RNF144B: variants seen among roughly 807,000 people sequenced by gnomAD.
RNF144B encodes E3 ubiquitin-protein ligase RNF144B.
Under a neutral mutation model 40.2 loss-of-function variants are expected in RNF144B, and 25 were observed. That is an observed-to-expected ratio of 0.62 (90% CI 0.45 to 0.87). The LOEUF is 0.87. Among genes scored for constraint, RNF144B ranks in the 40% least tolerant of loss-of-function variants. The probability of loss-of-function intolerance (pLI) is 0.00; values close to 1 mark genes in which losing one functional copy is unlikely to be tolerated. For synonymous variants in RNF144B, 145 were observed against 136.3 expected, an observed-to-expected ratio of 1.06 and a Z score of -0.44; for missense variants, 365 against 373.7, an observed-to-expected ratio of 0.98 and a Z score of 0.19.
In RNF144B at chr6:18,459,394, T is replaced by A. The variant is rs1160761578; in HGVS notation, c.537-213T>A. On this transcript the variant is annotated intron_variant, in intron 5 of 7. Transcript: ENST00000259939. The surrounding 1 kb of genome is among the most constrained non-coding windows in gnomAD (Gnocchi z 4.2). The stretch of plus-strand genomic sequence containing the variant: ...AGTGAGTTAAATCAGTGGTGGAAAC[T>A]GTAATTATATAATTCACTGAAAGCC... 7.8e-6 allele frequency among the ~76,000 whole-genome samples: 1 copy of A among 127,892 alleles called. No individual in the cohort carries two copies. Among genetic ancestry groups the A allele is most frequent in the Non-Finnish European group, 1.8e-5 (1 of 54,764 alleles). The allele number at this position is 127,892 out of a possible 152,430, so 83.9% of individuals were successfully genotyped here.
chr6:18,399,454 C>G (rs772616360), intron 1 of RNF144B, 45 bp from the exon 2 acceptor site: 67 of 1,369,500 alleles, frequency 4.9e-5, no homozygotes, highest in Non-Finnish European at 5.8e-5. Flanking sequence ...TAAACAATAG[C>G]TTTATCAATC....
rs1535817 is a variant in RNF144B, at chr6:18,425,079, A to C, written c.166-2502A>C. On this transcript the variant is annotated intron_variant, in intron 2 of 7. Coordinates refer to ENST00000259939, the MANE Select transcript of RNF144B (RefSeq NM_182757.4). The surrounding 1 kb of genome is among the most constrained non-coding windows in gnomAD (Gnocchi z 4.2). ...TGGGTGTGTGTGTGTGTGTGTTAAA[A>C]CCTGTGAGGTAACTATAACAGGTAT... Among the ~76,000 whole-genome samples, 146,509 of 152,240 alleles carry C rather than the reference A, an allele frequency of 0.96. 70,754 individuals are homozygous for C. Among genetic ancestry groups the C allele is most frequent in the East Asian group, 1 (5,184 of 5,184 alleles).
intron 2 of RNF144B, among the ~76,000 whole-genome samples, chr6:18,424,085 C>T (rs1758494047): frequency 6.6e-6 from 1 of 152,122 alleles, no homozygotes; most frequent in Non-Finnish European, 1.5e-5. Flanking sequence ...TTGTTTCTCT[C>T]TTTATAAGCT....
rs1288002173 is a variant in RNF144B at position 18,425,623 on chromosome 6, G to A, written c.166-1958G>A. 1.3e-5 allele frequency among the ~76,000 whole-genome samples: 2 copies of A among 152,144 alleles called. No homozygotes were observed. Among genetic ancestry groups the A allele is most frequent in the South Asian group, 4.1e-4 (2 of 4,826 alleles). On this transcript the variant is annotated intron_variant, in intron 2 of 7. Coordinates refer to ENST00000259939, the MANE Select transcript of RNF144B (RefSeq NM_182757.4). This position sits in a 1 kb window ranked among gnomAD's most constrained non-coding sequence, Gnocchi z 4.2. ...ATTTTTCACCCTTCTGTTGAACAAG[G>A]AAGTCAGGGTTAAAACACAGTAATT...
chr6:18,387,792 T>C (rs530942565), intron 1 of RNF144B, among the ~76,000 whole-genome samples, 162 bp downstream of exon 1: 2 of 152,332 alleles, frequency 1.3e-5, no homozygotes, highest in South Asian at 2.1e-4. Context: ...CTGAATGCCT[T>C]AAACACCTGT....
chr6:18,406,141 A>G lies in RNF144B; in HGVS notation c.165+6442A>G. 1 of 518,996 alleles carries G rather than the reference A, an allele frequency of 1.9e-6. No homozygotes were observed. Among genetic ancestry groups the G allele is most frequent in the African/African-American group, 1.9e-5 (1 of 52,084 alleles). The allele number at this position is 518,996 out of a possible 1,614,324, so 32.1% of individuals were successfully genotyped here. ...GATCAGATTAAGCCCTGGTTTTCAA[A>G]TAACTCAACTTTTCGTATGAGACAT... On this transcript the variant is annotated intron_variant, in intron 2 of 7. Coordinates refer to ENST00000259939, the MANE Select transcript of RNF144B (RefSeq NM_182757.4). The surrounding 1 kb of genome is among the most constrained non-coding windows in gnomAD (Gnocchi z 4.2).
At chr6:18,409,582 CT>C (rs1044495097) in intron 2 of RNF144B, among the ~76,000 whole-genome samples, 1 of 45,948 alleles carries the variant, frequency 2.2e-5, no homozygotes, top group African/African-American at 7.9e-5. Context: ...TTTTTTTTTA[CT>C]TTTTGAGATG....
Position 18,446,573 on chromosome 6 carries a change from G to T in RNF144B, c.331+6829G>T, listed in dbSNP as rs947038267. On this transcript the variant is annotated intron_variant, in intron 4 of 7. Transcript: ENST00000259939. The surrounding 1 kb of genome is among the most constrained non-coding windows in gnomAD (Gnocchi z 4.7). Reference sequence around the variant, plus strand: ...ATGCTACCATTATCTTTTTTACTATGGGAAATTGATGTACTGATGCTATGT... The same window carrying T: ...ATGCTACCATTATCTTTTTTACTATTGGAAATTGATGTACTGATGCTATGT... 6.6e-6 allele frequency among the ~76,000 whole-genome samples: 1 copy of T among 152,070 alleles called. No individual in the cohort carries two copies. The highest frequency in any genetic ancestry group is 2.1e-4 in the South Asian group (1 of 4,826).
chr6:18,417,406 CATAA>C (rs1364081764), intron 2 of RNF144B, among the ~76,000 whole-genome samples: 4 of 152,120 alleles, frequency 2.6e-5, no homozygotes, highest in South Asian at 2.1e-4. Flanking sequence ...ATTGAGAGTC[CATAA>C]ATAAATAAAT....
Position 18,422,500 on chromosome 6 carries a change from C to G in RNF144B, c.166-5081C>G, listed in dbSNP as rs969120702. On this transcript the variant is annotated intron_variant, in intron 2 of 7. Transcript: ENST00000259939. The surrounding 1 kb of genome is among the most constrained non-coding windows in gnomAD (Gnocchi z 4.7). ...CTGGGCTTTGGCCTTTGGGCACATT[C>G]CCCCTCATCACCTTCCTTCCCACTT... Among the ~76,000 whole-genome samples, 1 of 152,136 alleles carries G rather than the reference C, an allele frequency of 6.6e-6. No individual in the cohort carries two copies. The highest frequency in any genetic ancestry group is 2.4e-5 in the African/African-American group (1 of 41,428).
Position 18,441,283 on chromosome 6 carries a change from G to C in RNF144B, c.331+1539G>C, listed in dbSNP as rs1404401373. Among the ~76,000 whole-genome samples the C allele has an allele frequency of 1.3e-5, 2 of 152,154 alleles. No individual in the cohort carries two copies. The highest frequency in any genetic ancestry group is 2.9e-5 in the Non-Finnish European group (2 of 68,038). ...CCCAGTATTCACCCTGTGGATGCCT[G>C]GCTGGTAGCAAGTACCATGATTTGA... is the stretch of plus-strand genomic sequence containing the variant. On this transcript the variant is annotated intron_variant, in intron 4 of 7. Coordinates refer to ENST00000259939, the MANE Select transcript of RNF144B (RefSeq NM_182757.4). The surrounding 1 kb of genome is among the most constrained non-coding windows in gnomAD (Gnocchi z 4.9).
In RNF144B at chr6:18,446,688, A is replaced by T. The variant is rs899287189; in HGVS notation, c.331+6944A>T. 6.6e-6 allele frequency among the ~76,000 whole-genome samples: 1 copy of T among 152,156 alleles called. No homozygotes were observed. Among genetic ancestry groups the T allele is most frequent in the African/African-American group, 2.4e-5 (1 of 41,428 alleles). On this transcript the variant is annotated intron_variant, in intron 4 of 7. Transcript: ENST00000259939. The surrounding 1 kb of genome is among the most constrained non-coding windows in gnomAD (Gnocchi z 4.7). ...GTCAGTGATTGTCAGAGAAGGGTGAATGGATCTTCCAGGGATATTTGGTGA... is the reference window on the plus strand; with the variant it reads ...GTCAGTGATTGTCAGAGAAGGGTGATTGGATCTTCCAGGGATATTTGGTGA...
chr6:18,457,306 T>C lies in RNF144B; in HGVS notation c.483T>C (p.His161=). 6.2e-7 allele frequency: 1 copy of C among 1,614,236 alleles called. No individual in the cohort carries two copies. Among genetic ancestry groups the C allele is most frequent in the South Asian group, 1.1e-5 (1 of 91,086 alleles). ...KFCSCCKDAW[H]AEVSCRDSQP... ...GCTCGTGTTGCAAGGATGCTTGGCATGCAGAGGTCTCCTGTAGAGACAGTC... is the reference window on the plus strand; with the variant it reads ...GCTCGTGTTGCAAGGATGCTTGGCACGCAGAGGTCTCCTGTAGAGACAGTC... The change falls in exon 5 of 8, where the codon CAT becomes CAC. Residue 161 remains histidine (H), a synonymous_variant. Transcript: ENST00000259939. This position sits in a 1 kb window ranked among gnomAD's most constrained non-coding sequence, Gnocchi z 5.1.
intron 2 of RNF144B, among the ~76,000 whole-genome samples, chr6:18,411,815 T>C (rs1253551737): frequency 1.3e-5 from 2 of 152,122 alleles, no homozygotes; most frequent in Non-Finnish European, 2.9e-5. Flanking sequence ...TCTTCTAGAC[T>C]CTTTCCCTGT....
rs1759411452 is a variant in RNF144B at position 18,459,717 on chromosome 6, A to G, written c.647A>G (p.His216Arg). 6.2e-7 allele frequency: 1 copy of G among 1,614,136 alleles called. No individual in the cohort carries two copies. Among genetic ancestry groups the G allele is most frequent in the Non-Finnish European group, 8.5e-7 (1 of 1,179,972 alleles). ...CAQMMCKNCK[H>R]TFCWYCLQNL... ...CAGATGATGTGCAAAAACTGCAAGCATACATTTTGCTGGTACTGCCTCCAG... is the reference window on the plus strand; with the variant it reads ...CAGATGATGTGCAAAAACTGCAAGCGTACATTTTGCTGGTACTGCCTCCAG... Residue 216 changes from histidine (H) to arginine (R), a missense_variant, in exon 6 of 8, where the codon CAT (histidine) becomes CGT (arginine). His to Arg is a conservative substitution (Grantham distance 29, BLOSUM62 0). Coordinates refer to ENST00000259939, the MANE Select transcript of RNF144B (RefSeq NM_182757.4). The surrounding 1 kb of genome is among the most constrained non-coding windows in gnomAD (Gnocchi z 4.2).
rs147541357 is a variant in RNF144B, at chr6:18,417,566, G to C, written c.166-10015G>C. Among the ~76,000 whole-genome samples, 63 of 152,080 alleles carry C rather than the reference G, an allele frequency of 4.1e-4. 1 individual carries two copies. The East Asian group carries it at 0.01, about 25-fold the overall frequency. ...TGTCTGTGATCTTCCTCATACCACA[G>C]ACAAACATTAACAAAAATGGACCAT... On this transcript the variant is annotated intron_variant, in intron 2 of 7. Transcript: ENST00000259939.
At chr6:18,387,750 T>C (rs1794487379) in intron 1 of RNF144B, 120 bp downstream of exon 1, 2 of 739,436 alleles carry the variant, frequency 2.7e-6, no homozygotes, top group Admixed American at 3.2e-5. Flanking sequence ...TTTCTGTCTC[T>C]AGTGCTCAAA....
Position 18,446,842 on chromosome 6 carries a change from T to G in RNF144B, c.331+7098T>G, listed in dbSNP as rs569541124. ...AAGTTTTATTGGTTCTATTTTAGGGTGTGTGTGTGTGTGTGTGTGTGTGTG... is the reference window on the plus strand; with the variant it reads ...AAGTTTTATTGGTTCTATTTTAGGGGGTGTGTGTGTGTGTGTGTGTGTGTG... On this transcript the variant is annotated intron_variant, in intron 4 of 7. Coordinates refer to ENST00000259939, the MANE Select transcript of RNF144B (RefSeq NM_182757.4). The surrounding 1 kb of genome is among the most constrained non-coding windows in gnomAD (Gnocchi z 4.7). 2.3e-3 allele frequency among the ~76,000 whole-genome samples: 130 copies of G among 57,524 alleles called. No homozygotes were observed. Among genetic ancestry groups the G allele is most frequent in the South Asian group, 5.5e-3 (13 of 2,346 alleles). The allele number at this position is 57,524 out of a possible 152,430, so 37.7% of individuals were successfully genotyped here. A position where few individuals can be genotyped will look rare whatever the true frequency, so the allele number is the denominator to read the frequency against.
intron 1 of RNF144B, among the ~76,000 whole-genome samples, chr6:18,389,602 C>A (rs17626032): frequency 0.17 from 26,241 of 152,118 alleles, 2,650 homozygotes; most frequent in South Asian, 0.33. Context: ...ACATTACTTT[C>A]TTGGAGAGTG....
Sources: gnomAD v4.1 joint callset for allele counts (sites outside exome capture counted in the v4.1 genomes callset) on GRCh38, gnomAD v4.1.1 for gene constraint, Gnocchi (gnomAD v3.1) non-coding constraint, MANE v1.5 for transcripts, NCBI Gene and HGNC (gene_info 2026-07-23, HGNC 2026-07-21) for gene names.